The following SLC25A12 variants were observed in gnomAD, a reference collection of about 807,000 sequenced individuals.
SLC25A12 encodes the protein solute carrier family 25 member 12, also known as electrogenic aspartate/glutamate antiporter SLC25A12, mitochondrial.
In SLC25A12, 32 loss-of-function variants were observed where a neutral mutation model predicts 83.3. That is an observed-to-expected ratio of 0.38 (90% CI 0.29 to 0.52). The LOEUF (loss-of-function observed/expected upper bound fraction) is 0.52, where lower values mean the gene tolerates loss of function less well. Among genes scored for constraint, SLC25A12 ranks in the 20% least tolerant of loss-of-function variants. The pLI is 0.84. For synonymous variants in SLC25A12, 267 were observed against 291.1 expected (o/e 0.92, Z 0.84); for missense variants, 611 against 835.6 (o/e 0.73, Z 3.31).
At chr2:171,793,096 A>G (rs1389224984) in intron 14 of SLC25A12, among the ~76,000 whole-genome samples, 1 of 151,724 alleles carries the variant, frequency 6.6e-6, no homozygotes, top group African/African-American at 2.4e-5. Context: ...CATTTTGTTA[A>G]AGTACAGTAC....
In SLC25A12 at chr2:171,785,331, A is replaced by C. The variant is rs766296107; in HGVS notation, c.1980T>G (p.Phe660Leu). 5 of 1,614,192 alleles carry C rather than the reference A, an allele frequency of 3.1e-6. No individual in the cohort carries two copies. The South Asian group carries it at 4.4e-5, about 14-fold the overall frequency. The change falls in exon 18 of 18, where the codon TTT (phenylalanine) becomes TTG (leucine). Residue 660 changes from phenylalanine (F) to leucine (L), a missense_variant. Coordinates refer to ENST00000422440, the MANE Select transcript of SLC25A12 (RefSeq NM_003705.5). Reference sequence around the variant, plus strand: ...GAACCACAGCAACACTAGGAGACTTAAATTTCGGGAGATAAAGGCCAAATT... The same window carrying C: ...GAACCACAGCAACACTAGGAGACTTCAATTTCGGGAGATAAAGGCCAAATT... Reference protein sequence around the residue: ...ENKFGLYLPKFKSPSVAVVQP... With the variant: ...ENKFGLYLPKLKSPSVAVVQP...
intron 9 of SLC25A12, among the ~76,000 whole-genome samples, chr2:171,821,012 A>G (rs1684176693): frequency 1.4e-5 from 2 of 143,250 alleles, no homozygotes; most frequent in African/African-American, 5.2e-5. Flanking sequence ...GCAGCTATAA[A>G]CATTCTTTTT....
chr2:171,847,137 T>C (rs1317245705), intron 4 of SLC25A12, among the ~76,000 whole-genome samples: 2 of 152,180 alleles, frequency 1.3e-5, no homozygotes, highest in African/African-American at 2.4e-5. Flanking sequence ...CTGACACTTT[T>C]AGGGTTTTTT....
At chr2:171,824,699 CCTTTT>C (rs1167924587) in intron 9 of SLC25A12, among the ~76,000 whole-genome samples, 1 of 151,574 alleles carries the variant, frequency 6.6e-6, no homozygotes, top group Admixed American at 6.7e-5. Flanking sequence ...CACATTCTTT[CCTTTT>C]ATTAAACATA....
chr2:171,847,949 G>C (rs764068926), intron 4 of SLC25A12, among the ~76,000 whole-genome samples: 4 of 152,246 alleles, frequency 2.6e-5, no homozygotes, highest in Non-Finnish European at 5.9e-5. Context: ...AATGTTCACA[G>C]ATGTGTAACA....
chr2:171,826,655 AT>A lies in SLC25A12; in HGVS notation c.930+142del. On this transcript the variant is annotated intron_variant, in intron 9 of 17. Transcript: ENST00000422440. ...TAAAAGTGGGGGTAACAGTAGTTCTATAAAGGTAATCTTTAAGCTAAGTAAA... is the reference window on the plus strand; with the variant it reads ...TAAAAGTGGGGGTAACAGTAGTTCTAAAAGGTAATCTTTAAGCTAAGTAAA... 4 of 675,762 alleles carry A rather than the reference AT, an allele frequency of 5.9e-6. No homozygotes were observed. The South Asian group carries it at 6.8e-5, about 12-fold the overall frequency. The allele number at this position is 675,762 out of a possible 1,614,324, so 41.9% of individuals were successfully genotyped here. A position where few individuals can be genotyped will look rare whatever the true frequency, so the allele number is the denominator to read the frequency against.
intron 13 of SLC25A12, among the ~76,000 whole-genome samples, chr2:171,805,416 G>A (rs1328792895): frequency 6.6e-6 from 1 of 152,140 alleles, no homozygotes; most frequent in East Asian, 1.9e-4. Flanking sequence ...CGGCCTAAAG[G>A]TGGTATTTTT....
At chr2:171,788,214 A>C in intron 15 of SLC25A12, 1 of 374,602 alleles carries the variant, frequency 2.7e-6, no homozygotes, top group Non-Finnish European at 4.8e-6. Flanking sequence ...GAGAGAGAAA[A>C]AAAAAGTAGC....
intron 3 of SLC25A12, among the ~76,000 whole-genome samples, chr2:171,861,189 T>C (rs1685152425): frequency 6.6e-6 from 1 of 151,952 alleles, no homozygotes; most frequent in African/African-American, 2.4e-5. Flanking sequence ...GTGTTCACTA[T>C]AAAATTCTTT....
intron 8 of SLC25A12, among the ~76,000 whole-genome samples, chr2:171,831,556 G>A (rs1455953077): frequency 6.6e-6 from 1 of 152,198 alleles, no homozygotes; most frequent in Admixed American, 6.5e-5. Flanking sequence ...TACAGGACAA[G>A]TCAGAAAATC....
At chr2:171,891,229 G>A (rs1206529581) in intron 2 of SLC25A12, among the ~76,000 whole-genome samples, 5 of 151,954 alleles carry the variant, frequency 3.3e-5, no homozygotes, top group African/African-American at 1.2e-4. Context: ...AACCCCGGAG[G>A]CAGAAGTTGC....
chr2:171,849,733 T>C (rs1216479262), intron 4 of SLC25A12, among the ~76,000 whole-genome samples: 1 of 151,976 alleles, frequency 6.6e-6, no homozygotes, highest in Admixed American at 6.6e-5. Flanking sequence ...TTTTTTTGTA[T>C]TTTTAGTAGA....
intron 4 of SLC25A12, among the ~76,000 whole-genome samples, chr2:171,855,556 G>A (rs1429298035): frequency 2.0e-5 from 3 of 148,340 alleles, no homozygotes; most frequent in Non-Finnish European, 4.5e-5. Context: ...GCCCAGGCTG[G>A]CCCAGAACAA....
At chr2:171,826,697 G>C (rs1684306242) in intron 9 of SLC25A12, 101 bp downstream of exon 9, 1 of 757,116 alleles carries the variant, frequency 1.3e-6, no homozygotes, top group African/African-American at 1.7e-5. Context: ...TCTCTGGAAA[G>C]TAATTTTTAA....
In SLC25A12 at chr2:171,885,603, C is replaced by T. The variant is rs149894417; in HGVS notation, c.66+7602G>A. 3.6e-3 allele frequency among the ~76,000 whole-genome samples: 554 copies of T among 152,070 alleles called. 2 individuals carry two copies. The highest frequency in any genetic ancestry group is 0.031 in the Middle Eastern group (9 of 294). ...ATGAGAATTGCTTGAACCCGGGAGG[C>T]GGAGGTTGCAGTGAGCCAAGATCAT... On this transcript the variant is annotated intron_variant, in intron 2 of 17. Transcript: ENST00000422440.
At position 171,814,043 on chromosome 2, in the gene SLC25A12, T is replaced by C. The variant is rs3770450; in HGVS notation, c.1013-546A>G. Among the ~76,000 whole-genome samples the C allele has an allele frequency of 2.9e-3, 446 of 152,272 alleles. 6 individuals carry two copies. The East Asian group carries it at 0.046, about 16-fold the overall frequency. On this transcript the variant is annotated intron_variant, in intron 10 of 17. Transcript: ENST00000422440. ...ATAGAATTTGGTTTAAAAGAAAATA[T>C]GGCTATGCTTTAGAATTTCTCAGGG... is the stretch of plus-strand genomic sequence containing the variant.
intron 9 of SLC25A12, among the ~76,000 whole-genome samples, chr2:171,824,972 T>G (rs1684271870): frequency 6.6e-6 from 1 of 152,048 alleles, no homozygotes; most frequent in African/African-American, 2.4e-5. Flanking sequence ...CCTGGCTAAT[T>G]TTTTGCATTT....
chr2:171,844,027 T>G (rs1347110254), intron 5 of SLC25A12, among the ~76,000 whole-genome samples: 1 of 152,122 alleles, frequency 6.6e-6, no homozygotes, highest in East Asian at 1.9e-4. Context: ...CCTCGTGATC[T>G]GCCCGCCTCG....
At chr2:171,807,884 A>C (rs1461049860) in intron 13 of SLC25A12, among the ~76,000 whole-genome samples, 1 of 152,178 alleles carries the variant, frequency 6.6e-6, no homozygotes, top group Non-Finnish European at 1.5e-5. Context: ...CCTCTTCCAA[A>C]GCAACTCTGC....
Sources: allele counts gnomAD v4.1 joint callset (sites outside exome capture counted in the v4.1 genomes callset), GRCh38; gene constraint gnomAD v4.1.1; transcripts MANE v1.5; gene names NCBI Gene and HGNC (gene_info 2026-07-23, HGNC 2026-07-21).